Variants in WDR70 observed in about 807,000 individuals in gnomAD.
WDR70 encodes the protein WD repeat domain 70, also known as WD repeat-containing protein 70.
A neutral mutation model predicts 88.6 loss-of-function variants in WDR70; 53 were observed. The observed-to-expected ratio is 0.60, with a 90% confidence interval of 0.48 to 0.75. The LOEUF (loss-of-function observed/expected upper bound fraction) is 0.75. WDR70 is among the 30% of genes least tolerant of loss of function. The probability of loss-of-function intolerance (pLI) is 0.00; values close to 1 mark genes in which losing one functional copy is unlikely to be tolerated. For synonymous variants in WDR70, 280 were observed against 270.0 expected, an observed-to-expected ratio of 1.04 and a Z score of -0.36; for missense variants, 610 against 823.2, an observed-to-expected ratio of 0.74 and a Z score of 3.17.
chr5:37,573,243 C>G (rs951329456), intron 9 of WDR70, among the ~76,000 whole-genome samples: 2 of 152,176 alleles, frequency 1.3e-5, no homozygotes, highest in Admixed American at 1.3e-4. Flanking sequence ...TCCTACAGTT[C>G]TCCCTGTTCC....
intron 13 of WDR70, among the ~76,000 whole-genome samples, chr5:37,707,119 T>C (rs190466936): frequency 4.6e-5 from 7 of 152,336 alleles, no homozygotes; most frequent in African/African-American, 7.2e-5. Context: ...GCTTGGTAGT[T>C]TTTCAACAAA....
chr5:37,563,877 T>C, intron 9 of WDR70, among the ~76,000 whole-genome samples: 1 of 122,274 alleles, frequency 8.2e-6, no homozygotes, highest in African/African-American at 2.7e-5. Flanking sequence ...GAGGGTCTCC[T>C]CACTTCTCAG....
At chr5:37,477,086 G>A (rs1391138426) in intron 7 of WDR70, among the ~76,000 whole-genome samples, 1 of 152,162 alleles carries the variant, frequency 6.6e-6, no homozygotes, top group East Asian at 1.9e-4. Context: ...AACCATTCAG[G>A]TGGTATTGTT....
intron 9 of WDR70, among the ~76,000 whole-genome samples, chr5:37,563,559 ACC>A (rs1375432573): frequency 3.2e-5 from 1 of 31,362 alleles, no homozygotes; most frequent in Non-Finnish European, 6.8e-5. Flanking sequence ...CGGGGGGCTG[ACC>A]CCCCCCCACC....
At chr5:37,433,542 C>G (rs995410939) in intron 5 of WDR70, among the ~76,000 whole-genome samples, 3 of 152,190 alleles carry the variant, frequency 2.0e-5, no homozygotes, top group Middle Eastern at 3.4e-3. Context: ...TGCTGAAGTC[C>G]CTTATATAAA....
chr5:37,651,078 C>T (rs1437919211), intron 10 of WDR70, among the ~76,000 whole-genome samples: 2 of 151,894 alleles, frequency 1.3e-5, no homozygotes, highest in Non-Finnish European at 2.9e-5. Context: ...CCGTCGTCTA[C>T]ATTAGGTATT....
chr5:37,609,834 T>G (rs918621600), intron 10 of WDR70, among the ~76,000 whole-genome samples: 2 of 152,134 alleles, frequency 1.3e-5, no homozygotes, highest in African/African-American at 4.8e-5. Flanking sequence ...GCAGTAATCA[T>G]ATCAGGAAAT....
At chr5:37,611,002 G>T (rs542543234) in intron 10 of WDR70, among the ~76,000 whole-genome samples, 1 of 152,100 alleles carries the variant, frequency 6.6e-6, no homozygotes, top group African/African-American at 2.4e-5. Context: ...TGAAGGAAAA[G>T]TAAAGCAGAA....
intron 10 of WDR70, chr5:37,687,810 T>A: frequency 4.1e-6 from 2 of 487,414 alleles, no homozygotes; most frequent in Non-Finnish European, 7.4e-6. Context: ...GCTATATGTC[T>A]TTCTACCTTA....
At chr5:37,643,655 C>T (rs888557740) in intron 10 of WDR70, among the ~76,000 whole-genome samples, 4 of 151,774 alleles carry the variant, frequency 2.6e-5, no homozygotes, top group South Asian at 2.1e-4. Flanking sequence ...TTGTCTTCTT[C>T]AATTTCTTTC....
chr5:37,489,496 G>A (rs960696377), intron 8 of WDR70, among the ~76,000 whole-genome samples: 4 of 152,170 alleles, frequency 2.6e-5, no homozygotes, highest in African/African-American at 9.7e-5. Context: ...GTTTGGTGGT[G>A]GTGGCAGGCT....
intron 10 of WDR70, among the ~76,000 whole-genome samples, chr5:37,608,036 CTCT>C (rs1744083119): frequency 7.5e-6 from 1 of 132,692 alleles, no homozygotes; most frequent in African/African-American, 2.8e-5. Flanking sequence ...GTCTGCAACA[CTCT>C]TTTTTTTTTT....
At chr5:37,444,761 G>A (rs1382599181) in intron 7 of WDR70, among the ~76,000 whole-genome samples, 2 of 152,164 alleles carry the variant, frequency 1.3e-5, no homozygotes, top group African/African-American at 4.8e-5. Context: ...TGGTTTTGTG[G>A]AAGACAATTT....
At chr5:37,633,487 A>G (rs1278977685) in intron 10 of WDR70, among the ~76,000 whole-genome samples, 1 of 151,772 alleles carries the variant, frequency 6.6e-6, no homozygotes, top group African/African-American at 2.4e-5. Context: ...TTTTTTTGAC[A>G]TTCACTAGAT....
chr5:37,433,021 T>G (rs992120286), intron 5 of WDR70, among the ~76,000 whole-genome samples: 8 of 152,216 alleles, frequency 5.3e-5, no homozygotes, highest in African/African-American at 1.9e-4. Context: ...ATTGATTATC[T>G]CTTTTGATGC....
At chr5:37,499,527 T>TTG (rs1740331237) in intron 8 of WDR70, among the ~76,000 whole-genome samples, 1 of 151,760 alleles carries the variant, frequency 6.6e-6, no homozygotes. Context: ...TTTCAGTTTT[T>TTG]TTTTAAAAAT....
chr5:37,698,976 T>G (rs1004150943), intron 11 of WDR70, among the ~76,000 whole-genome samples: 2 of 152,228 alleles, frequency 1.3e-5, no homozygotes, highest in African/African-American at 4.8e-5. Context: ...AGTTCAGAGA[T>G]GATTCCCAAT....
chr5:37,725,377 C>A (rs1455234077), intron 16 of WDR70, among the ~76,000 whole-genome samples: 4 of 151,950 alleles, frequency 2.6e-5, no homozygotes, highest in Non-Finnish European at 5.9e-5. Context: ...AAAACCACTG[C>A]TCTCAATATT....
At position 37,455,246 on chromosome 5, in the gene WDR70, T is replaced by TC. The variant is rs1378444112; in HGVS notation, c.686+11874_686+11875insC. Among the ~76,000 whole-genome samples, 253 of 145,112 alleles carry TC rather than the reference T, an allele frequency of 1.7e-3. 1 individual carries two copies. Among genetic ancestry groups the TC allele is most frequent in the African/African-American group, 6.0e-3 (241 of 40,420 alleles). ...ACCTGTCCTGATTTCTTTCTTTCTT[T>TC]TTTTTTTTTTTTTTTTGAGGTAGAG... On this transcript the variant is annotated intron_variant, in intron 7 of 17. Coordinates refer to ENST00000265107, the MANE Select transcript of WDR70 (RefSeq NM_018034.4).
Sources: allele counts gnomAD v4.1 joint callset (sites outside exome capture counted in the v4.1 genomes callset), GRCh38; gene constraint gnomAD v4.1.1; transcripts MANE v1.5; gene names NCBI Gene and HGNC (gene_info 2026-07-23, HGNC 2026-07-21).